Variants in RANBP2 observed in about 807,000 individuals in gnomAD.
RANBP2 encodes the protein E3 SUMO-protein ligase RanBP2.
Under a neutral mutation model 303.6 loss-of-function variants are expected in RANBP2, and 57 were observed. That is an observed-to-expected ratio of 0.19 (90% confidence interval 0.15 to 0.23). The LOEUF is 0.23. RANBP2 is among the 10% of genes least tolerant of loss of function. RANBP2 has a pLI of 1.00. For missense variants in RANBP2, 3,138 were observed against 3,780.8 expected (o/e 0.83, Z 4.46); for synonymous variants, 1,167 against 1,301.5 (o/e 0.90, Z 2.23).
the RANBP2 span, among the ~76,000 whole-genome samples, chr2:109,063,643 A>G: frequency 3.9e-5 from 6 of 152,148 alleles, no homozygotes; most frequent in Admixed American, 3.9e-4. Context: ...GTACACACAC[A>G]CAGGCACATA....
chr2:109,580,550 G>T, the RANBP2 span, among the ~76,000 whole-genome samples: 1 of 152,144 alleles, frequency 6.6e-6, no homozygotes, highest in African/African-American at 2.4e-5. Context: ...ATGATGAGGG[G>T]ATGGTGCCCA....
chr2:108,831,064 A>T, the RANBP2 span, among the ~76,000 whole-genome samples: 1 of 152,056 alleles, frequency 6.6e-6, no homozygotes, highest in Non-Finnish European at 1.5e-5. Context: ...AATCCCAGCT[A>T]CTCATGGGGC....
At chr2:108,855,800 C>T in the RANBP2 span, among the ~76,000 whole-genome samples, 85 of 152,022 alleles carry the variant, frequency 5.6e-4, 8 homozygotes, top group African/African-American at 2.4e-5. Flanking sequence ...GCTGAAACAG[C>T]AAAGAAGAAA....
chr2:109,180,612 C>T, the RANBP2 span, among the ~76,000 whole-genome samples: 1 of 152,168 alleles, frequency 6.6e-6, no homozygotes, highest in Non-Finnish European at 1.5e-5. Context: ...AAATAAGTCT[C>T]ACGAGATCTG....
chr2:109,711,592 G>A, the RANBP2 span, among the ~76,000 whole-genome samples: 190 of 152,254 alleles, frequency 1.2e-3, 4 homozygotes, highest in East Asian at 0.034. Flanking sequence ...CTCCTTCTAC[G>A]CTTTGATGCC....
the RANBP2 span, among the ~76,000 whole-genome samples, chr2:108,809,751 G>T: frequency 2.6e-5 from 4 of 152,018 alleles, no homozygotes; most frequent in African/African-American, 9.7e-5. Flanking sequence ...TCTTTGCATT[G>T]AAGATCATGT....
In RANBP2 at chr2:108,783,445, G is replaced by C; in HGVS notation, c.9370-151G>C. ...TTTTTCATCTTCTTTCCAACAATAT[G>C]AATTTCTTAGTTTTCAAACTATACT... On this transcript the variant is annotated intron_variant, in intron 28 of 28. Coordinates refer to ENST00000283195, the MANE Select transcript of RANBP2 (RefSeq NM_006267.5). The C allele has an allele frequency of 8.4e-6, 4 of 476,942 alleles. No homozygotes were observed. The South Asian group carries it at 1.6e-4, about 19-fold the overall frequency. 29.5% of individuals were successfully genotyped at this position (476,942 alleles called of 1,614,324 possible).
chr2:109,630,957 T>G, the RANBP2 span, among the ~76,000 whole-genome samples: 4 of 152,038 alleles, frequency 2.6e-5, no homozygotes, highest in African/African-American at 9.7e-5. Context: ...TCCCAGCTAC[T>G]CGGGAGGCTG....
chr2:108,865,097 A>G, the RANBP2 span, among the ~76,000 whole-genome samples: 107 of 152,218 alleles, frequency 7.0e-4, no homozygotes, highest in African/African-American at 2.4e-3. Flanking sequence ...ACACATTTTT[A>G]CTTTTTCCTT....
At chr2:108,927,866 T>A in the RANBP2 span, among the ~76,000 whole-genome samples, 1 of 152,156 alleles carries the variant, frequency 6.6e-6, no homozygotes, top group African/African-American at 2.4e-5. Context: ...TATTTCCACA[T>A]GGCCAGTCAT....
chr2:109,091,445 A>G, the RANBP2 span, among the ~76,000 whole-genome samples: 2 of 152,080 alleles, frequency 1.3e-5, no homozygotes, highest in Non-Finnish European at 2.9e-5. Flanking sequence ...CTATCATGTT[A>G]AAAACATCCT....
At chr2:109,339,322 G>T in the RANBP2 span, among the ~76,000 whole-genome samples, 12 of 152,176 alleles carry the variant, frequency 7.9e-5, no homozygotes, top group Non-Finnish European at 1.6e-4. Context: ...CATGAAAAAT[G>T]TATATATAGT....
At chr2:109,230,909 G>A in the RANBP2 span, among the ~76,000 whole-genome samples, 5 of 152,286 alleles carry the variant, frequency 3.3e-5, no homozygotes, top group South Asian at 8.3e-4. Context: ...CTCCCATCTC[G>A]GCTAAGGGAC....
chr2:109,406,802 G>A, the RANBP2 span, among the ~76,000 whole-genome samples: 3 of 152,168 alleles, frequency 2.0e-5, no homozygotes, highest in African/African-American at 7.2e-5. Flanking sequence ...GAAGCAACCA[G>A]TGCAGAGGCT....
chr2:109,185,346 G>C, the RANBP2 span, among the ~76,000 whole-genome samples: 1 of 152,184 alleles, frequency 6.6e-6, no homozygotes, highest in Non-Finnish European at 1.5e-5. Flanking sequence ...ATAAAAGATT[G>C]GATTGTTAGA....
At chr2:109,153,206 T>C in the RANBP2 span, among the ~76,000 whole-genome samples, 1 of 152,226 alleles carries the variant, frequency 6.6e-6, no homozygotes, top group Non-Finnish European at 1.5e-5. Flanking sequence ...AACCCTGCTA[T>C]GGGTGAGGCT....
chr2:109,216,723 A>G, the RANBP2 span, among the ~76,000 whole-genome samples: 7 of 152,230 alleles, frequency 4.6e-5, no homozygotes, highest in Admixed American at 3.3e-4. Flanking sequence ...TGCTTGTCTG[A>G]TCATTTGCTA....
the RANBP2 span, among the ~76,000 whole-genome samples, chr2:109,464,285 C>T: frequency 2.0e-5 from 3 of 152,180 alleles, no homozygotes; most frequent in Non-Finnish European, 4.4e-5. Flanking sequence ...TACACACATT[C>T]ATACATATAC....
the RANBP2 span, among the ~76,000 whole-genome samples, chr2:109,424,808 A>G: frequency 8.5e-5 from 13 of 152,200 alleles, no homozygotes; most frequent in African/African-American, 2.9e-4. Flanking sequence ...CTTAGACACA[A>G]CAATACTGAA....
Sources: allele counts gnomAD v4.1 joint callset (sites outside exome capture counted in the v4.1 genomes callset), GRCh38; gene constraint gnomAD v4.1.1; transcripts MANE v1.5; gene names NCBI Gene and HGNC (gene_info 2026-07-23, HGNC 2026-07-21).